UBE2K: variants seen among roughly 807,000 people sequenced by gnomAD.
The protein encoded by UBE2K is ubiquitin-conjugating enzyme E2 K.
In UBE2K, 6 loss-of-function variants were observed where a neutral mutation model predicts 30.0. That is an observed-to-expected ratio of 0.20 (90% CI 0.11 to 0.39). The LOEUF (loss-of-function observed/expected upper bound fraction) is 0.39, where lower values mean the gene tolerates loss of function less well. UBE2K is among the 10% of genes least tolerant of loss of function. UBE2K has a pLI of 1.00. For synonymous variants in UBE2K, 86 were observed against 83.7 expected (o/e 1.03, Z -0.15); for missense variants, 61 against 241.6 (o/e 0.25, Z 4.96).
At chr4:39,750,475 T>C (rs1018907943) in intron 3 of UBE2K, among the ~76,000 whole-genome samples, 1 of 152,188 alleles carries the variant, frequency 6.6e-6, no homozygotes, top group Non-Finnish European at 1.5e-5. Flanking sequence ...TTTTTATTCA[T>C]TGAGTGCTTC....
chr4:39,762,489 A>G (rs1332912152), intron 4 of UBE2K, among the ~76,000 whole-genome samples: 1 of 152,202 alleles, frequency 6.6e-6, no homozygotes, highest in African/African-American at 2.4e-5. Flanking sequence ...CAGGCTGTAT[A>G]GGAAGTGTGG....
chr4:39,763,871 CTG>C (rs1406921339), intron 4 of UBE2K, among the ~76,000 whole-genome samples: 3 of 152,024 alleles, frequency 2.0e-5, no homozygotes, highest in Non-Finnish European at 4.4e-5. Context: ...TTCTGAGTAA[CTG>C]TAACTACAGT....
intron 3 of UBE2K, among the ~76,000 whole-genome samples, chr4:39,747,024 A>G (rs1486275427): frequency 2.0e-5 from 3 of 152,200 alleles, no homozygotes; most frequent in South Asian, 4.1e-4. Context: ...AGTCACTCAG[A>G]ATGTTCTAGA....
At chr4:39,767,258 A>G (rs1300871195) in intron 4 of UBE2K, among the ~76,000 whole-genome samples, 2 of 148,258 alleles carry the variant, frequency 1.3e-5, no homozygotes, top group African/African-American at 2.5e-5. Flanking sequence ...GTAAGGGTCC[A>G]GCTTCACTAA....
chr4:39,759,863 A>T (rs1283381097), intron 4 of UBE2K, among the ~76,000 whole-genome samples: 2 of 152,128 alleles, frequency 1.3e-5, no homozygotes, highest in Non-Finnish European at 2.9e-5. Flanking sequence ...CAAATACCTC[A>T]TGCATTGCTG....
chr4:39,754,495 A>G (rs768495244), intron 3 of UBE2K, among the ~76,000 whole-genome samples: 1 of 152,166 alleles, frequency 6.6e-6, no homozygotes, highest in African/African-American at 2.4e-5. Context: ...TTCCATAAAT[A>G]GCTTAGGAGC....
chr4:39,750,094 T>TGA (rs1721178239), intron 3 of UBE2K, among the ~76,000 whole-genome samples: 2 of 152,000 alleles, frequency 1.3e-5, no homozygotes, highest in South Asian at 2.1e-4. Flanking sequence ...CTCAGAAGGC[T>TGA]GAGGCAGGAG....
At chr4:39,770,831 G>T (rs539416280) in intron 4 of UBE2K, 1 of 1,544,358 alleles carries the variant, frequency 6.5e-7, no homozygotes, top group East Asian at 2.2e-5. Context: ...TGTCAGATAC[G>T]TCCTCATCCT....
At chr4:39,764,056 C>A (rs574263502) in intron 4 of UBE2K, among the ~76,000 whole-genome samples, 18 of 152,274 alleles carry the variant, frequency 1.2e-4, no homozygotes, top group South Asian at 4.1e-4. Flanking sequence ...AATTTTCTTA[C>A]AATTAATTAT....
rs962813211 is a variant in UBE2K, at chr4:39,778,834, CT to C, written c.*402del. On this transcript the variant is annotated 3_prime_UTR_variant, in exon 7 of 7. Coordinates refer to ENST00000261427, the MANE Select transcript of UBE2K (RefSeq NM_005339.5). ...ATTGTTGGTGTTGCATCACAGCTACCTTAACTGTTTTTAACATGGATCCTCT... is the reference window on the plus strand; with the variant it reads ...ATTGTTGGTGTTGCATCACAGCTACCTAACTGTTTTTAACATGGATCCTCT... The C allele has an allele frequency of 2.9e-4, 45 of 155,014 alleles. No individual in the cohort carries two copies. The highest frequency in any genetic ancestry group is 4.5e-4 in the Admixed American group (7 of 15,578). The allele number at this position is 155,014 out of a possible 1,614,324, so 9.6% of individuals were successfully genotyped here. A position where few individuals can be genotyped will look rare whatever the true frequency, so the allele number is the denominator to read the frequency against.
intron 1 of UBE2K, among the ~76,000 whole-genome samples, chr4:39,730,392 C>T (rs1483430142): frequency 1.3e-5 from 2 of 152,042 alleles, no homozygotes; most frequent in Admixed American, 1.3e-4. Context: ...CACTATATGG[C>T]CCAGGCGGGT....
intron 2 of UBE2K, among the ~76,000 whole-genome samples, chr4:39,742,478 T>TA (rs1244073007): frequency 6.6e-6 from 1 of 152,226 alleles, no homozygotes; most frequent in Admixed American, 6.5e-5. Flanking sequence ...GGCTCATGCC[T>TA]GTAATCCCAT....
chr4:39,749,745 CAT>C (rs1182891302), intron 3 of UBE2K, among the ~76,000 whole-genome samples: 1 of 151,944 alleles, frequency 6.6e-6, no homozygotes. Context: ...ATACTTTTTA[CAT>C]GTTAAGTTGT....
chr4:39,765,938 TACAC>T (rs1231753943), intron 4 of UBE2K, among the ~76,000 whole-genome samples: 2 of 149,384 alleles, frequency 1.3e-5, no homozygotes, highest in African/African-American at 2.5e-5. Context: ...CATACATACA[TACAC>T]ACACACACAT....
intron 4 of UBE2K, among the ~76,000 whole-genome samples, chr4:39,759,725 T>C (rs1013808077): frequency 1.3e-5 from 2 of 152,218 alleles, no homozygotes; most frequent in Non-Finnish European, 2.9e-5. Flanking sequence ...TCAGTGACGC[T>C]GCCCTTCTAA....
At chr4:39,755,003 T>A (rs1238750172) in intron 3 of UBE2K, among the ~76,000 whole-genome samples, 1 of 152,204 alleles carries the variant, frequency 6.6e-6, no homozygotes, top group Non-Finnish European at 1.5e-5. Flanking sequence ...GGTTTGTTAT[T>A]CTTCCATAAT....
chr4:39,700,049 T>G (rs1475837754), intron 1 of UBE2K, among the ~76,000 whole-genome samples: 1 of 152,152 alleles, frequency 6.6e-6, no homozygotes, highest in African/African-American at 2.4e-5. Flanking sequence ...CTGAAAACAT[T>G]TCTTGTTTAA....
At chr4:39,700,469 A>C (rs302941) in intron 1 of UBE2K, among the ~76,000 whole-genome samples, 26,356 of 152,148 alleles carry the variant, frequency 0.17, 4,458 homozygotes, top group African/African-American at 0.44. Context: ...AAGAACATTT[A>C]GGAAAGGGTC....
chr4:39,743,719 T>A (rs1720830244), intron 2 of UBE2K, among the ~76,000 whole-genome samples: 2 of 152,230 alleles, frequency 1.3e-5, no homozygotes, highest in Admixed American at 1.3e-4. Flanking sequence ...AATCTCATAG[T>A]CTTATAAATA....
Sources: allele counts gnomAD v4.1 joint callset (sites outside exome capture counted in the v4.1 genomes callset), GRCh38; gene constraint gnomAD v4.1.1; transcripts MANE v1.5; gene names NCBI Gene and HGNC (gene_info 2026-07-23, HGNC 2026-07-21).